NOD1: variants seen among roughly 807,000 people sequenced by gnomAD.
NOD1 encodes nucleotide-binding oligomerization domain-containing protein 1.
Under a neutral mutation model 81.2 loss-of-function variants are expected in NOD1, and 70 were observed. The ratio of observed to expected loss-of-function variants is 0.86; its 90% CI spans 0.71 to 1.05. The LOEUF (loss-of-function observed/expected upper bound fraction) is 1.05. Ranked by LOEUF, NOD1 falls within the 50% of genes least tolerant of loss-of-function variation. The pLI is 0.00. For synonymous variants in NOD1, 508 were observed against 526.9 expected (o/e 0.96, Z 0.49); for missense variants, 1,233 against 1,228.0 (o/e 1.00, Z -0.06).
chr7:30,451,758 T>G lies in NOD1; in HGVS notation c.1659A>C (p.Ala553=). 2 of 1,611,538 alleles carry G rather than the reference T, an allele frequency of 1.2e-6. No homozygotes were observed. The highest frequency in any genetic ancestry group is 1.7e-5 in the Admixed American group (1 of 59,980). The part of the protein sequence containing the change: ...FFQEWMPPAG[A]ATTSCYPPFL... ...AGGGAGGATAGCAGGACGTGGTCGC[T>G]GCCCCCGCAGGGGGCATCCACTCCT... Residue 553 remains alanine, a synonymous_variant, in exon 6 of 14, where the codon GCA becomes GCC. Coordinates refer to ENST00000222823, the MANE Select transcript of NOD1 (RefSeq NM_006092.4). The surrounding 1 kb of genome is among the most constrained non-coding windows in gnomAD (Gnocchi z 4.2).
chr7:30,468,392 A>G (rs1223987623), intron 1 of NOD1, among the ~76,000 whole-genome samples: 1 of 152,324 alleles, frequency 6.6e-6, no homozygotes, highest in African/African-American at 2.4e-5. Context: ...CCTAACCAGT[A>G]TCAGCTCCCC....
rs759753229 is a variant in NOD1 at position 30,451,803 on chromosome 7, C to T, written c.1614G>A (p.Gln538=). 6.2e-7 allele frequency: 1 copy of T among 1,613,856 alleles called. No individual in the cohort carries two copies. The change falls in exon 6 of 14, where the codon CAG becomes CAA. Residue 538 remains glutamine (Q), a synonymous_variant. Coordinates refer to ENST00000222823, the MANE Select transcript of NOD1 (RefSeq NM_006092.4). The surrounding 1 kb of genome is among the most constrained non-coding windows in gnomAD (Gnocchi z 4.2). ...FLVLDDRVGT[Q]ELLRFFQEWM... Reference sequence around the variant, plus strand: ...ACTCCTGGAAGAACCTGAGCAGCTCCTGAGTGCCCACCCTGTCGTCCAGCA... The same window carrying T: ...ACTCCTGGAAGAACCTGAGCAGCTCTTGAGTGCCCACCCTGTCGTCCAGCA...
At chr7:30,436,629 G>A (rs533404099) in intron 10 of NOD1, among the ~76,000 whole-genome samples, 1 of 152,222 alleles carries the variant, frequency 6.6e-6, no homozygotes, top group African/African-American at 2.4e-5. Context: ...TGAGGACAAG[G>A]AAGGGGCAGG....
At chr7:30,460,641 C>A in intron 1 of NOD1, 1 of 985,384 alleles carries the variant, frequency 1.0e-6, no homozygotes, top group East Asian at 1.1e-4. Context: ...CAGAGGAGAT[C>A]GGAGGAGGGT....
At chr7:30,437,066 C>A (rs1784440353) in intron 10 of NOD1, among the ~76,000 whole-genome samples, 1 of 152,156 alleles carries the variant, frequency 6.6e-6, no homozygotes. Context: ...GAGATCATGT[C>A]CTTTGCTGGC....
At chr7:30,474,503 A>C (rs1000139661) in intron 1 of NOD1, among the ~76,000 whole-genome samples, 11 of 152,202 alleles carry the variant, frequency 7.2e-5, no homozygotes, top group African/African-American at 2.7e-4. Context: ...AGATCGTTTT[A>C]GGATGAAACT....
rs778622646 is a variant in NOD1 at position 30,451,179 on chromosome 7, C to A, written c.2201+37G>T. On this transcript the variant is annotated intron_variant, in intron 6 of 13. Coordinates refer to ENST00000222823, the MANE Select transcript of NOD1 (RefSeq NM_006092.4). This position sits in a 1 kb window ranked among gnomAD's most constrained non-coding sequence, Gnocchi z 4.2. ...CGATGCCCTCCGAGCCTGGCCCGCC[C>A]GGCCCACCTGTTGCTCCCCTTGCCT... 1.9e-6 allele frequency: 3 copies of A among 1,594,722 alleles called. No individual in the cohort carries two copies. The highest frequency in any genetic ancestry group is 1.3e-5 in the African/African-American group (1 of 74,656).
chr7:30,448,499 C>A (rs953196334), intron 6 of NOD1, 118 bp from the exon 7 acceptor site: 4 of 838,770 alleles, frequency 4.8e-6, no homozygotes, highest in South Asian at 4.5e-5. Flanking sequence ...TATAGACGCC[C>A]CTGGAGAATG....
At position 30,446,963 on chromosome 7, in the gene NOD1, T is replaced by C; in HGVS notation, c.2369+4A>G. On this transcript the variant is annotated splice_donor_region_variant and intron_variant, in intron 8 of 13. Transcript: ENST00000222823. ...CTAAGGAACCTGGTGCCTACCCCAC[T>C]TACTTAAGATGCGTGAGGCCTTTGC... 2.5e-6 allele frequency: 4 copies of C among 1,611,396 alleles called. No homozygotes were observed. The highest frequency in any genetic ancestry group is 1.7e-6 in the Non-Finnish European group (2 of 1,178,404).
chr7:30,426,983 G>GTAAT (rs1365530649), intron 13 of NOD1, among the ~76,000 whole-genome samples: 4 of 152,254 alleles, frequency 2.6e-5, no homozygotes, highest in African/African-American at 9.6e-5. Context: ...CATCACAGTT[G>GTAAT]TAATTAAATA....
intron 1 of NOD1, among the ~76,000 whole-genome samples, chr7:30,464,887 C>T (rs959501318): frequency 2.0e-5 from 3 of 152,162 alleles, no homozygotes; most frequent in Non-Finnish European, 4.4e-5. Context: ...CAGTAATGAG[C>T]GAATCATTTA....
Position 30,452,554 on chromosome 7 carries a change from T to C in NOD1, c.863A>G (p.Glu288Gly). 6.2e-7 allele frequency: 1 copy of C among 1,613,124 alleles called. No homozygotes were observed. The highest frequency in any genetic ancestry group is 8.5e-7 in the Non-Finnish European group (1 of 1,179,946). The change falls in exon 6 of 14, where the codon GAG becomes GGG. Residue 288 changes from glutamate (E) to glycine (G), a missense_variant. Transcript: ENST00000222823. Reference protein sequence around the residue: ...VALFTFDGLDELHSDLDLSRV... With the variant: ...VALFTFDGLDGLHSDLDLSRV... ...GCTCAGGTCCAAGTCCGAGTGCAGCTCGTCCAGGCCATCGAAGGTGAAGAG... is the reference window on the plus strand; with the variant it reads ...GCTCAGGTCCAAGTCCGAGTGCAGCCCGTCCAGGCCATCGAAGGTGAAGAG...
chr7:30,437,494 C>A, intron 10 of NOD1, 79 bp downstream of exon 10: 2 of 904,196 alleles, frequency 2.2e-6, no homozygotes, highest in Non-Finnish European at 1.6e-6. Flanking sequence ...ATTAGGAGCA[C>A]GAATCACCCT....
At position 30,471,524 on chromosome 7, in the gene NOD1, A is replaced by G. The variant is rs996904551; in HGVS notation, c.-352+7082T>C. Reference sequence around the variant, plus strand: ...TTCCTGTGACCTGAAAACACCCAATAAAGAATTTTGTTTTTACCAAACCCT... The same window carrying G: ...TTCCTGTGACCTGAAAACACCCAATGAAGAATTTTGTTTTTACCAAACCCT... On this transcript the variant is annotated intron_variant, in intron 1 of 13. Transcript: ENST00000222823. Among the ~76,000 whole-genome samples, 3 of 152,304 alleles carry G rather than the reference A, an allele frequency of 2.0e-5. No homozygotes were observed. In the East Asian group the frequency reaches 5.8e-4, roughly 29 times the overall value.
rs1472552431 is a variant in NOD1 at position 30,455,372 on chromosome 7, G to T, written c.202-61C>A. The T allele has an allele frequency of 9.8e-6, 14 of 1,429,604 alleles. No individual in the cohort carries two copies. In the Admixed American group the frequency reaches 1.2e-4, roughly 12 times the overall value. The allele number at this position is 1,429,604 out of a possible 1,614,324, so 88.6% of individuals were successfully genotyped here. A position where few individuals can be genotyped will look rare whatever the true frequency, so the allele number is the denominator to read the frequency against. On this transcript the variant is annotated intron_variant, in intron 4 of 13. Coordinates refer to ENST00000222823, the MANE Select transcript of NOD1 (RefSeq NM_006092.4). ...ATGAGGGGCATCCTCCTACCATAAG[G>T]ACCCTCAGGCAGGCTCAGGGCAGGG...
chr7:30,435,144 AG>A (rs1173758172), intron 11 of NOD1, among the ~76,000 whole-genome samples: 2 of 152,242 alleles, frequency 1.3e-5, no homozygotes, highest in Non-Finnish European at 1.5e-5. Context: ...GCCATAAAAA[AG>A]GGAACACCAA....
chr7:30,446,178 G>A lies in NOD1; in HGVS notation c.2416C>T (p.Leu806=). The A allele has an allele frequency of 6.2e-7, 1 of 1,614,126 alleles. No individual in the cohort carries two copies. Among genetic ancestry groups the A allele is most frequent in the Non-Finnish European group, 8.5e-7 (1 of 1,180,012 alleles). The change falls in exon 9 of 14, where the codon CTG becomes TTG. Residue 806 remains leucine, a synonymous_variant. Coordinates refer to ENST00000222823, the MANE Select transcript of NOD1 (RefSeq NM_006092.4). ...ATTGATTTGCTGTTCTTCACAGCCA[G>A]GGCGAGATACTTCCCTCCTTCACTT... The part of the protein sequence containing the change: ...ITSEGGKYLA[L]AVKNSKSISE...
chr7:30,432,561 C>T (rs1225200326), intron 12 of NOD1, among the ~76,000 whole-genome samples: 1 of 152,166 alleles, frequency 6.6e-6, no homozygotes, highest in Non-Finnish European at 1.5e-5. Context: ...ACAGAATTGC[C>T]ATATGACCCA....
intron 4 of NOD1, 62 bp from the exon 5 acceptor site, chr7:30,455,373 AC>A: frequency 7.1e-7 from 1 of 1,400,672 alleles, no homozygotes. Context: ...TACCATAAGG[AC>A]CCTCAGGCAG....
Sources: gnomAD v4.1 joint callset for allele counts (sites outside exome capture counted in the v4.1 genomes callset) on GRCh38, gnomAD v4.1.1 for gene constraint, Gnocchi (gnomAD v3.1) non-coding constraint, MANE v1.5 for transcripts, NCBI Gene and HGNC (gene_info 2026-07-23, HGNC 2026-07-21) for gene names.